PYGL: variants seen among roughly 807,000 people sequenced by gnomAD.
PYGL encodes the protein glycogen phosphorylase L.
PYGL carries 90 observed loss-of-function variants against 100.1 expected under a neutral mutation model. That is an observed-to-expected ratio of 0.90 (90% CI 0.76 to 1.07). PYGL has a LOEUF of 1.07. PYGL is among the 50% of genes least tolerant of loss of function. The pLI, the probability that PYGL is intolerant of heterozygous loss-of-function variation, is 0.00. For synonymous variants in PYGL, 373 were observed against 393.0 expected, an observed-to-expected ratio of 0.95 and a Z score of 0.60; for missense variants, 1,016 against 1,057.6, an observed-to-expected ratio of 0.96 and a Z score of 0.55.
intron 4 of PYGL, among the ~76,000 whole-genome samples, chr14:50,926,404 G>A (rs1047383568): frequency 9.2e-5 from 14 of 151,776 alleles, no homozygotes; most frequent in Non-Finnish European, 1.5e-5. Flanking sequence ...AACAGTTGAA[G>A]TTTGCCAGTT....
chr14:50,909,756 C>T (rs536281254), intron 17 of PYGL, 139 bp downstream of exon 17: 14 of 942,088 alleles, frequency 1.5e-5, no homozygotes, highest in Admixed American at 1.4e-4. Context: ...CCTGCCTCAT[C>T]GTGGGAGATG....
chr14:50,905,489 C>G lies in PYGL; in HGVS notation c.2447G>C (p.Arg816Pro). The change falls in exon 20 of 20, where the codon CGA (arginine) becomes CCA (proline). Residue 816 changes from arginine to proline, a missense_variant. Physicochemically the swap from Arg to Pro is moderately radical, Grantham distance 103 (BLOSUM62 -2). Transcript: ENST00000216392. Reference protein sequence around the residue: ...IAASGKFSSDRTIKEYAQNIW... With the variant: ...IAASGKFSSDPTIKEYAQNIW... Reference sequence around the variant, plus strand: ...GTTTTGGGCATATTCTTTAATTGTTCGGTCACTGGAGAATTTCCCCGAGGC... The same window carrying G: ...GTTTTGGGCATATTCTTTAATTGTTGGGTCACTGGAGAATTTCCCCGAGGC... 2 of 1,613,896 alleles carry G rather than the reference C, an allele frequency of 1.2e-6. No individual in the cohort carries two copies. Among genetic ancestry groups the G allele is most frequent in the Non-Finnish European group, 1.7e-6 (2 of 1,179,816 alleles).
At chr14:50,919,666 G>GGT (rs35650221) in intron 7 of PYGL, among the ~76,000 whole-genome samples, 375 of 148,750 alleles carry the variant, frequency 2.5e-3, no homozygotes, top group African/African-American at 6.0e-3. Context: ...AGTTCCAAGT[G>GGT]GTGTGTGTGT....
intron 2 of PYGL, among the ~76,000 whole-genome samples, chr14:50,935,862 T>C (rs888817090): frequency 3.9e-5 from 6 of 152,360 alleles, no homozygotes; most frequent in African/African-American, 1.4e-4. Context: ...GCAGGGAAAC[T>C]GCAGTCCTGC....
In PYGL at chr14:50,915,352, T is replaced by C. The variant is rs1566502944; in HGVS notation, c.1387A>G (p.Ile463Val). Residue 463 changes from isoleucine (I) to valine (V), a missense_variant, in exon 11 of 20, where the codon ATC (isoleucine) becomes GTC (valine). Ile to Val is a conservative substitution (Grantham distance 29, BLOSUM62 3). Coordinates refer to ENST00000216392, the MANE Select transcript of PYGL (RefSeq NM_002863.5). ...VNGVAKIHSD[I>V]VKTKVFKDFS... ...GAGGCTCACACTTTAGTCTTCACGA[T>C]GTCTGAGTGGATTTTAGCCACGCCA... is the stretch of plus-strand genomic sequence containing the variant. 6.2e-7 allele frequency: 1 copy of C among 1,614,214 alleles called. No individual in the cohort carries two copies.
In PYGL at chr14:50,908,352, G is replaced by T; in HGVS notation, c.2313-15C>A. 1 of 1,570,566 alleles carries T rather than the reference G, an allele frequency of 6.4e-7. No homozygotes were observed. Among genetic ancestry groups the T allele is most frequent in the Non-Finnish European group, 8.8e-7 (1 of 1,140,442 alleles). Reference sequence around the variant, plus strand: ...AGACTTTAAACCTTTTATTTTGTGAGTGGAAGAGGAAAAAAACAGTCAAAA... The same window carrying T: ...AGACTTTAAACCTTTTATTTTGTGATTGGAAGAGGAAAAAAACAGTCAAAA... On this transcript the variant is annotated splice_polypyrimidine_tract_variant and intron_variant, in intron 18 of 19. Coordinates refer to ENST00000216392, the MANE Select transcript of PYGL (RefSeq NM_002863.5).
chr14:50,912,318 C>T lies in PYGL; in HGVS notation c.1621-15G>A, dbSNP rs765113694. ...AGCTTATTCTCCTGTTAAGACAGTG[C>T]ATGGTGCCAGAGCTCTTTTGGCCTA... On this transcript the variant is annotated splice_polypyrimidine_tract_variant and intron_variant, in intron 13 of 19. Coordinates refer to ENST00000216392, the MANE Select transcript of PYGL (RefSeq NM_002863.5). 6.2e-7 allele frequency: 1 copy of T among 1,613,290 alleles called. No individual in the cohort carries two copies. The highest frequency in any genetic ancestry group is 1.7e-5 in the Admixed American group (1 of 60,026).
At chr14:50,942,685 G>C (rs2050711076) in intron 1 of PYGL, among the ~76,000 whole-genome samples, 1 of 139,212 alleles carries the variant, frequency 7.2e-6, no homozygotes, top group African/African-American at 2.5e-5. Context: ...GCCAGGTGTA[G>C]TGGTAGGAGC....
At chr14:50,920,009 G>C (rs977237677) in intron 7 of PYGL, among the ~76,000 whole-genome samples, 2 of 151,134 alleles carry the variant, frequency 1.3e-5, no homozygotes, top group African/African-American at 4.9e-5. Context: ...TTTTAACTAA[G>C]CTATATTTAC....
At chr14:50,913,820 C>T (rs1274017802) in intron 12 of PYGL, among the ~76,000 whole-genome samples, 1 of 152,066 alleles carries the variant, frequency 6.6e-6, no homozygotes, top group Non-Finnish European at 1.5e-5. Flanking sequence ...CTCTGAGTAG[C>T]TAGGATTACA....
At chr14:50,923,733 CT>C (rs2050522238) in intron 5 of PYGL, 1 of 256,136 alleles carries the variant, frequency 3.9e-6, no homozygotes, top group Admixed American at 5.6e-5. Flanking sequence ...TCTGACAAAG[CT>C]GGTTGCAAAA....
chr14:50,912,166 C>A lies in PYGL; in HGVS notation c.1758G>T (p.Thr586=), dbSNP rs755485474. The A allele has an allele frequency of 6.2e-7, 1 of 1,614,212 alleles. No individual in the cohort carries two copies. Among genetic ancestry groups the A allele is most frequent in the East Asian group, 2.2e-5 (1 of 44,882 alleles). The stretch of plus-strand genomic sequence containing the variant: ...ACAGGGCTGACTCACGGTTGTACAT[C>A]GTGATCACATGCAGACAGTTCAAGA... ...RQLLNCLHVI[T]MYNRIKKDPK... The change falls in exon 14 of 20, where the codon ACG becomes ACT. Residue 586 remains threonine, a synonymous_variant. Coordinates refer to ENST00000216392, the MANE Select transcript of PYGL (RefSeq NM_002863.5).
At chr14:50,928,403 C>T (rs923024835) in intron 4 of PYGL, among the ~76,000 whole-genome samples, 7 of 152,066 alleles carry the variant, frequency 4.6e-5, no homozygotes, top group African/African-American at 7.2e-5. Context: ...CTGGCTATTA[C>T]GAACTTGGTG....
At chr14:50,929,562 A>T (rs549204068) in intron 4 of PYGL, among the ~76,000 whole-genome samples, 30 of 152,326 alleles carry the variant, frequency 2.0e-4, no homozygotes, top group East Asian at 5.8e-4. Context: ...ACAAAAAAAA[A>T]ATTGAGATTT....
chr14:50,920,080 T>C (rs771198032), intron 7 of PYGL, among the ~76,000 whole-genome samples: 5 of 151,960 alleles, frequency 3.3e-5, no homozygotes, highest in African/African-American at 4.8e-5. Flanking sequence ...AAGAAACAGA[T>C]GTTTGTTCAT....
chr14:50,935,175 T>G lies in PYGL; in HGVS notation c.356A>C (p.Asp119Ala), dbSNP rs1326500867. The change falls in exon 3 of 20, where the codon GAT becomes GCT. Residue 119 changes from aspartate (D) to alanine (A), a missense_variant. Physicochemically the swap from Asp to Ala is moderately radical, Grantham distance 126. Transcript: ENST00000216392. ...CDEAIYQLGLDIEELEEIEED... is the reference protein window; with the variant it reads ...CDEAIYQLGLAIEELEEIEED... ...TTCAATTTCTTCTAACTCTTCTATA[T>G]CCAATCCAAGCTGGTAATGAAAGGA... 1.1e-5 allele frequency: 18 copies of G among 1,611,548 alleles called. No homozygotes were observed. Among genetic ancestry groups the G allele is most frequent in the Non-Finnish European group, 1.4e-5 (16 of 1,177,820 alleles).
intron 1 of PYGL, 106 bp from the exon 2 acceptor site, chr14:50,937,943 G>A (rs113103138): frequency 2.0e-6 from 2 of 1,012,090 alleles, no homozygotes; most frequent in South Asian, 1.3e-5. Flanking sequence ...CAAACAGGCA[G>A]GACTATGTCA....
intron 3 of PYGL, among the ~76,000 whole-genome samples, chr14:50,934,347 A>G (rs1441996444): frequency 1.3e-5 from 2 of 152,196 alleles, no homozygotes; most frequent in Non-Finnish European, 2.9e-5. Flanking sequence ...CTACCACTGA[A>G]AAAATAAAAT....
chr14:50,940,631 TCTTA>T (rs1355112661), intron 1 of PYGL, among the ~76,000 whole-genome samples: 1 of 152,232 alleles, frequency 6.6e-6, no homozygotes, highest in Non-Finnish European at 1.5e-5. Flanking sequence ...TTGGCCATAC[TCTTA>T]CTTACTGGTC....
Sources: gnomAD v4.1 joint callset for allele counts (sites outside exome capture counted in the v4.1 genomes callset) on GRCh38, gnomAD v4.1.1 for gene constraint, MANE v1.5 for transcripts, NCBI Gene and HGNC (gene_info 2026-07-23, HGNC 2026-07-21) for gene names.